The following ZFHX3 variants were observed in gnomAD, a reference collection of about 807,000 sequenced individuals.
The protein encoded by ZFHX3 is zinc finger homeobox 3.
ZFHX3 carries 42 observed loss-of-function variants against 279.1 expected under a neutral mutation model. The observed-to-expected ratio is 0.15, with a 90% CI of 0.12 to 0.19. The LOEUF is 0.19. Ranked by LOEUF, ZFHX3 falls within the 10% of genes least tolerant of loss-of-function variation. The pLI, the probability that ZFHX3 is intolerant of heterozygous loss-of-function variation, is 1.00. For missense variants in ZFHX3, 4,981 were observed against 4,754.0 expected, an observed-to-expected ratio of 1.05 and a Z score of -1.40; for synonymous variants, 2,293 against 1,957.8, an observed-to-expected ratio of 1.17 and a Z score of -4.52.
Position 73,479,572 on chromosome 16 carries a change from A to G in ZFHX3, c.-1546-23314T>C, listed in dbSNP as rs2018828508. ...GCATGCTCCTGCACTCTGTTATATG[A>G]TCACCTGTTAACACGCCTGCCTCCT... is the stretch of plus-strand genomic sequence containing the variant. On this transcript the variant is annotated intron_variant, in intron 2 of 17. Coordinates refer to the ZFHX3 transcript ENST00000641206. 4.6e-5 allele frequency among the ~76,000 whole-genome samples: 7 copies of G among 152,232 alleles called. No homozygotes were observed. The South Asian group carries it at 1.5e-3, about 32-fold the overall frequency.
intron 2 of ZFHX3, among the ~76,000 whole-genome samples, chr16:73,567,461 T>C (rs2020467619): frequency 6.6e-6 from 1 of 152,238 alleles, no homozygotes; most frequent in South Asian, 2.1e-4. Context: ...TCTCCCTTAG[T>C]TGGGACATCC....
At chr16:73,091,569 C>G (rs1966082814) in intron 8 of ZFHX3, among the ~76,000 whole-genome samples, 1 of 152,210 alleles carries the variant, frequency 6.6e-6, no homozygotes, top group South Asian at 2.1e-4. Context: ...GAGCCTTGCT[C>G]AATCCCATCT....
At chr16:72,904,370 A>AAC (rs1567574972) in intron 3 of ZFHX3, among the ~76,000 whole-genome samples, 1 of 60,734 alleles carries the variant, frequency 1.6e-5, no homozygotes, top group Non-Finnish European at 3.4e-5. Flanking sequence ...CTGTCTCAAA[A>AAC]TAAATAAATA....
intron 5 of ZFHX3, among the ~76,000 whole-genome samples, chr16:72,817,781 G>A (rs2036656665): frequency 1.3e-5 from 2 of 152,174 alleles, no homozygotes; most frequent in African/African-American, 4.8e-5. Flanking sequence ...GCGTCCTGAG[G>A]TGAGCCCACT....
At chr16:72,838,714 G>A (rs2037263942) in intron 4 of ZFHX3, among the ~76,000 whole-genome samples, 1 of 152,106 alleles carries the variant, frequency 6.6e-6, no homozygotes, top group African/African-American at 2.4e-5. Context: ...GGGGTCAAGA[G>A]AGGAGAAAAA....
In ZFHX3 at chr16:73,315,851, G is replaced by T. The variant is rs118076524; in HGVS notation, c.-1194+2389C>A. Among the ~76,000 whole-genome samples, 895 of 152,306 alleles carry T rather than the reference G, an allele frequency of 5.9e-3. 6 individuals are homozygous for T. Among genetic ancestry groups the T allele is most frequent in the Middle Eastern group, 0.041 (12 of 294 alleles). On this transcript the variant is annotated intron_variant, in intron 4 of 17. Transcript: ENST00000641206. Reference sequence around the variant, plus strand: ...CCGTTTTCAGTTATGTGTAAGAGAAGCTTTTAACTCTATTTTCAGCCCCCC... The same window carrying T: ...CCGTTTTCAGTTATGTGTAAGAGAATCTTTTAACTCTATTTTCAGCCCCCC...
chr16:73,485,438 A>AAAAAAAAAAG (rs1567498393), intron 2 of ZFHX3, among the ~76,000 whole-genome samples: 1 of 144,836 alleles, frequency 6.9e-6, no homozygotes, highest in Non-Finnish European at 1.5e-5. Flanking sequence ...AAAAAAAAAA[A>AAAAAAAAAAG]AAAAAAAAAC....
At chr16:72,976,953 CA>C (rs1328158186) in intron 1 of ZFHX3, among the ~76,000 whole-genome samples, 1 of 152,200 alleles carries the variant, frequency 6.6e-6, no homozygotes, top group Non-Finnish European at 1.5e-5. Flanking sequence ...CCATCAAAGG[CA>C]TTTTAGGGAT....
Position 73,283,780 on chromosome 16 carries a change from C to G in ZFHX3, c.-1193-26644G>C, listed in dbSNP as rs370144185. On this transcript the variant is annotated intron_variant, in intron 4 of 17. Coordinates refer to the ZFHX3 transcript ENST00000641206. ...GCAACATAGTGAGACATTATCTCTA[C>G]TAAAAGTGAAAGAAGAAAATTAGCC... is the stretch of plus-strand genomic sequence containing the variant. 1.8e-4 allele frequency among the ~76,000 whole-genome samples: 27 copies of G among 151,792 alleles called. No individual in the cohort carries two copies. In the South Asian group the frequency reaches 5.2e-3, roughly 29 times the overall value.
At chr16:72,974,747 G>A (rs1377256359) in intron 1 of ZFHX3, among the ~76,000 whole-genome samples, 1 of 152,224 alleles carries the variant, frequency 6.6e-6, no homozygotes, top group Non-Finnish European at 1.5e-5. Flanking sequence ...GTAAAGGCAT[G>A]AAAAGGGGAT....
chr16:73,520,849 GA>G lies in ZFHX3; in HGVS notation c.-1546-64592del, dbSNP rs75363733. Among the ~76,000 whole-genome samples the G allele has an allele frequency of 0.014, 2,180 of 152,098 alleles. 148 individuals carry two copies. The East Asian group carries it at 0.15, about 10-fold the overall frequency. On this transcript the variant is annotated intron_variant, in intron 2 of 17. Transcript: ENST00000641206. ...TGAAGAGTTTATAAAATAATACAGA[GA>G]AAAAAAGGACAGAGATCATTCTACA...
chr16:73,266,576 G>A (rs1257902080), intron 4 of ZFHX3, among the ~76,000 whole-genome samples: 2 of 152,044 alleles, frequency 1.3e-5, no homozygotes, highest in African/African-American at 2.4e-5. Flanking sequence ...AGCACTTAAG[G>A]GGCTTGGCCA....
Position 72,794,352 on chromosome 16 carries a change from C to A in ZFHX3, c.8330G>T (p.Ser2777Ile). 1 of 1,603,078 alleles carries A rather than the reference C, an allele frequency of 6.2e-7. No homozygotes were observed. The highest frequency in any genetic ancestry group is 8.5e-7 in the Non-Finnish European group (1 of 1,174,320). Reference sequence around the variant, plus strand: ...GAGGGGGACACCCTGACCATCACTACTGCTTGGGGGTAGGTGGGAAAAGCT... The same window carrying A: ...GAGGGGGACACCCTGACCATCACTAATGCTTGGGGGTAGGTGGGAAAAGCT... ...GTSFSHLPPSSSDGQGVPLSP... is the reference protein window; with the variant it reads ...GTSFSHLPPSISDGQGVPLSP... The change falls in exon 9 of 10, where the codon AGT becomes ATT. Residue 2777 changes from serine (S) to isoleucine (I), a missense_variant. By Grantham distance (142) the Ser-to-Ile change is moderately radical. Transcript: ENST00000268489. This position sits in a 1 kb window ranked among gnomAD's most constrained non-coding sequence, Gnocchi z 4.2.
intron 5 of ZFHX3, among the ~76,000 whole-genome samples, chr16:73,239,508 G>A (rs567444974): frequency 1.3e-5 from 2 of 152,300 alleles, no homozygotes; most frequent in South Asian, 2.1e-4. Flanking sequence ...TTTCTAAGAT[G>A]TTTCCATTTT....
At chr16:73,156,221 G>T (rs527594339) in intron 5 of ZFHX3, among the ~76,000 whole-genome samples, 5 of 114,868 alleles carry the variant, frequency 4.4e-5, no homozygotes, top group Non-Finnish European at 6.7e-5. Flanking sequence ...GACAGAGTGA[G>T]ACTCCCTCTC....
intron 4 of ZFHX3, among the ~76,000 whole-genome samples, chr16:72,856,990 A>C (rs1333618037): frequency 1.3e-5 from 2 of 152,232 alleles, no homozygotes; most frequent in Non-Finnish European, 2.9e-5. Flanking sequence ...TGACACCCGC[A>C]GGTGATGCTT....
chr16:73,493,619 TG>T (rs2019089618), intron 2 of ZFHX3, among the ~76,000 whole-genome samples: 1 of 152,170 alleles, frequency 6.6e-6, no homozygotes, highest in African/African-American at 2.4e-5. Flanking sequence ...ACATGGTGCT[TG>T]GGTCCAGCCA....
chr16:73,738,877 A>G (rs78345124), intron 1 of ZFHX3, among the ~76,000 whole-genome samples: 7,887 of 152,212 alleles, frequency 0.052, 692 homozygotes, highest in African/African-American at 0.18. Flanking sequence ...AAGATGGAAG[A>G]AAGGGAGAAA....
At chr16:73,112,052 A>G (rs1312089532) in intron 7 of ZFHX3, among the ~76,000 whole-genome samples, 1 of 152,006 alleles carries the variant, frequency 6.6e-6, no homozygotes, top group Non-Finnish European at 1.5e-5. Flanking sequence ...TAGGTGGTGC[A>G]TAGTCCTTTT....
Sources: allele counts gnomAD v4.1 joint callset (sites outside exome capture counted in the v4.1 genomes callset), GRCh38; gene constraint gnomAD v4.1.1; non-coding constraint Gnocchi (gnomAD v3.1); transcripts MANE v1.5; gene names NCBI Gene and HGNC (gene_info 2026-07-23, HGNC 2026-07-21).